Variants in ABCA10 observed in about 807,000 individuals in gnomAD.
ABCA10 encodes the protein ATP-binding cassette sub-family A member 10.
In ABCA10, 169 loss-of-function variants were observed where a neutral mutation model predicts 187.5. The ratio of observed to expected loss-of-function variants is 0.90; its 90% CI spans 0.80 to 1.02. ABCA10 has a LOEUF of 1.02. ABCA10 is among the 50% of genes least tolerant of loss of function. The probability of loss-of-function intolerance (pLI) is 0.00; values close to 1 mark genes in which losing one functional copy is unlikely to be tolerated. For missense variants in ABCA10, 1,727 were observed against 1,812.4 expected (o/e 0.95, Z 0.86); for synonymous variants, 574 against 601.8 (o/e 0.95, Z 0.68).
chr17:69,165,614 C>T (rs1003905596), intron 25 of ABCA10, among the ~76,000 whole-genome samples: 1 of 152,158 alleles, frequency 6.6e-6, no homozygotes, highest in Non-Finnish European at 1.5e-5. Context: ...TATCCCCACT[C>T]AGACTGTTAG....
At chr17:69,216,141 T>C in intron 7 of ABCA10, 76 bp downstream of exon 7, 16 of 1,548,508 alleles carry the variant, frequency 1.0e-5, no homozygotes, top group Non-Finnish European at 1.4e-5. Context: ...TACACTAATA[T>C]CCCAAAGAAA....
At chr17:69,174,477 G>T in intron 24 of ABCA10, 83 bp from the exon 25 acceptor site, 3 of 1,438,026 alleles carry the variant, frequency 2.1e-6, no homozygotes, top group Non-Finnish European at 2.8e-6. Context: ...AGGTCATAAA[G>T]CTGCCTAAGG....
intron 27 of ABCA10, among the ~76,000 whole-genome samples, chr17:69,162,828 T>TACATATACAC (rs1203100537): frequency 0.15 from 12,412 of 81,156 alleles, 1,793 homozygotes; most frequent in African/African-American, 0.42. Context: ...TACATATACA[T>TACATATACAC]ATACATATAC....
In ABCA10 at chr17:69,196,965, T is replaced by C. The variant is rs537714590; in HGVS notation, c.1234+99A>G. ...TTGCAGTGAGCCGAGATGGCGGCACTACAGTCCAGCCTCCGCTTGGCATCA... is the reference window on the plus strand; with the variant it reads ...TTGCAGTGAGCCGAGATGGCGGCACCACAGTCCAGCCTCCGCTTGGCATCA... On this transcript the variant is annotated intron_variant, in intron 11 of 38. Coordinates refer to ENST00000690296, the MANE Select transcript of ABCA10 (RefSeq NM_001377321.1). 2.2e-4 allele frequency: 182 copies of C among 838,330 alleles called. No individual in the cohort carries two copies. In the Admixed American group the frequency reaches 2.4e-3, roughly 11 times the overall value. 51.9% of individuals were successfully genotyped at this position (838,330 alleles called of 1,614,324 possible).
chr17:69,209,403 C>G (rs921382171), intron 9 of ABCA10, among the ~76,000 whole-genome samples: 1 of 152,124 alleles, frequency 6.6e-6, no homozygotes, highest in Non-Finnish European at 1.5e-5. Flanking sequence ...AGAAATTACT[C>G]ATATGAACAT....
chr17:69,162,127 A>G (rs576538011), intron 27 of ABCA10, among the ~76,000 whole-genome samples: 82 of 152,346 alleles, frequency 5.4e-4, no homozygotes, highest in African/African-American at 1.9e-3. Context: ...AGTGCAGGAC[A>G]AAACTGTTGT....
At chr17:69,190,955 CAA>C (rs1260398811) in intron 17 of ABCA10, among the ~76,000 whole-genome samples, 1 of 151,970 alleles carries the variant, frequency 6.6e-6, no homozygotes, top group Non-Finnish European at 1.5e-5. Context: ...TTAATTTTGA[CAA>C]AGAGTGCAAA....
intron 6 of ABCA10, 125 bp from the exon 7 acceptor site, chr17:69,216,483 T>G: frequency 1.8e-6 from 2 of 1,118,832 alleles, no homozygotes; most frequent in Non-Finnish European, 2.5e-6. Context: ...TGGGTGGCCA[T>G]ACACATTTTG....
In ABCA10 at chr17:69,208,417, CAAAAAAAAAAAAAAAAA is replaced by C. The variant is rs67858017; in HGVS notation, c.1006+6270_1006+6286del. On this transcript the variant is annotated intron_variant, in intron 9 of 38. Transcript: ENST00000690296. ...GAGGGGACAGGGCGAGACTCTGTCT[CAAAAAAAAAAAAAAAAA>C]AAAAAAAGAATGTATTAGGAAAAAA... 3.5e-3 allele frequency among the ~76,000 whole-genome samples: 315 copies of C among 89,408 alleles called. 1 individual carries two copies. Among genetic ancestry groups the C allele is most frequent in the Non-Finnish European group, 4.6e-3 (213 of 46,704 alleles). 58.7% of individuals were successfully genotyped at this position (89,408 alleles called of 152,430 possible). A position where few individuals can be genotyped will look rare whatever the true frequency, so the allele number is the denominator to read the frequency against.
At chr17:69,205,581 A>G (rs1397581794) in intron 9 of ABCA10, among the ~76,000 whole-genome samples, 1 of 152,236 alleles carries the variant, frequency 6.6e-6, no homozygotes, top group African/African-American at 2.4e-5. Flanking sequence ...GTTCTAGTCC[A>G]AATTCTGCTA....
chr17:69,154,271 T>C lies in ABCA10; in HGVS notation c.3750A>G (p.Lys1250=). ...TTGGCTTTGTGCACCCAGTTATCATTTTAATGGAAGTACTTTTACCAGCTC... is the reference window on the plus strand; with the variant it reads ...TTGGCTTTGTGCACCCAGTTATCATCTTAATGGAAGTACTTTTACCAGCTC... The part of the protein sequence containing the change: ...HNGAGKSTSI[K]MITGCTKPTA... The change falls in exon 31 of 39, where the codon AAA becomes AAG. Residue 1250 remains lysine (K), a synonymous_variant. Transcript: ENST00000690296. 2 of 1,612,696 alleles carry C rather than the reference T, an allele frequency of 1.2e-6. No individual in the cohort carries two copies. Among genetic ancestry groups the C allele is most frequent in the Non-Finnish European group, 1.7e-6 (2 of 1,179,628 alleles).
chr17:69,149,796 C>G (rs1342082827), intron 37 of ABCA10, among the ~76,000 whole-genome samples, 188 bp downstream of exon 37: 1 of 152,116 alleles, frequency 6.6e-6, no homozygotes, highest in Non-Finnish European at 1.5e-5. Context: ...CAGGAAGAAT[C>G]AGGTGGAACA....
chr17:69,208,417 C>CAAAAAAA (rs67858017), intron 9 of ABCA10, among the ~76,000 whole-genome samples: 34 of 89,404 alleles, frequency 3.8e-4, no homozygotes, highest in African/African-American at 1.5e-3. Flanking sequence ...GACTCTGTCT[C>CAAAAAAA]AAAAAAAAAA....
intron 1 of ABCA10, among the ~76,000 whole-genome samples, chr17:69,242,961 G>A (rs750322148): frequency 9.9e-4 from 151 of 152,092 alleles, no homozygotes; most frequent in Non-Finnish European, 1.5e-3. Flanking sequence ...ATAAAAGAAG[G>A]GCCACCTCAA....
At position 69,152,038 on chromosome 17, in the gene ABCA10, T is replaced by A; in HGVS notation, c.4397+5A>T. The stretch of plus-strand genomic sequence containing the variant: ...CTTGTCACTCAAACCGAAAACATCC[T>A]TTACCTTTCCTGCCAAGCAGCCTGT... On this transcript the variant is annotated splice_donor_5th_base_variant and intron_variant, in intron 36 of 38. Transcript: ENST00000690296. 6.2e-7 allele frequency: 1 copy of A among 1,606,738 alleles called. No individual in the cohort carries two copies. Among genetic ancestry groups the A allele is most frequent in the African/African-American group, 1.3e-5 (1 of 74,450 alleles).
chr17:69,227,938 ATTCT>A, intron 1 of ABCA10, among the ~76,000 whole-genome samples: 1 of 152,110 alleles, frequency 6.6e-6, no homozygotes, highest in East Asian at 1.9e-4. Context: ...AATGATCCTT[ATTCT>A]TTGTTTTCAA....
In ABCA10 at chr17:69,239,479, G is replaced by C. The variant is rs1016167367; in HGVS notation, c.-593+5050C>G. ...CAACAAAAAGTAGATTTTTCTGGTA[G>C]TATTGAGCTTTCTCAGACTGTTATT... is the stretch of plus-strand genomic sequence containing the variant. On this transcript the variant is annotated intron_variant, in intron 1 of 39. Coordinates refer to the ABCA10 transcript ENST00000269081. Among the ~76,000 whole-genome samples the C allele has an allele frequency of 3.9e-5, 6 of 152,162 alleles. No individual in the cohort carries two copies. In the East Asian group the frequency reaches 1.2e-3, roughly 29 times the overall value.
In ABCA10 at chr17:69,182,305, C is replaced by G. The variant is rs769012742; in HGVS notation, c.2632-15G>C. The G allele has an allele frequency of 6.8e-7, 1 of 1,466,894 alleles. No individual in the cohort carries two copies. The highest frequency in any genetic ancestry group is 2.2e-5 in the Admixed American group (1 of 46,072). The allele number at this position is 1,466,894 out of a possible 1,614,324, so 90.9% of individuals were successfully genotyped here. A position where few individuals can be genotyped will look rare whatever the true frequency, so the allele number is the denominator to read the frequency against. On this transcript the variant is annotated splice_polypyrimidine_tract_variant and intron_variant, in intron 21 of 38. Coordinates refer to ENST00000690296, the MANE Select transcript of ABCA10 (RefSeq NM_001377321.1). Reference sequence around the variant, plus strand: ...AATCTGTAATCCTTGAAAAAAAGTACACAAATATAAGTTATAAATTCTTAT... The same window carrying G: ...AATCTGTAATCCTTGAAAAAAAGTAGACAAATATAAGTTATAAATTCTTAT...
intron 9 of ABCA10, among the ~76,000 whole-genome samples, chr17:69,213,425 G>A (rs1303441000): frequency 2.0e-5 from 3 of 151,606 alleles, no homozygotes; most frequent in African/African-American, 4.8e-5. Flanking sequence ...GGGGAGGGTC[G>A]TTCTCAGACC....
Sources: allele counts gnomAD v4.1 joint callset (sites outside exome capture counted in the v4.1 genomes callset), GRCh38; gene constraint gnomAD v4.1.1; transcripts MANE v1.5; gene names NCBI Gene and HGNC (gene_info 2026-07-23, HGNC 2026-07-21).